Variants in EML6 observed in about 807,000 individuals in gnomAD.
EML6 encodes the protein EMAP like 6, also known as echinoderm microtubule-associated protein-like 6.
Under a neutral mutation model 240.1 loss-of-function variants are expected in EML6, and 154 were observed. The ratio of observed to expected loss-of-function variants is 0.64; its 90% CI spans 0.56 to 0.73. The LOEUF is 0.73. Ranked by LOEUF, EML6 falls within the 30% of genes least tolerant of loss-of-function variation. The pLI is 0.00. For missense variants in EML6, 2,964 were observed against 2,474.6 expected (o/e 1.20, Z -4.20); for synonymous variants, 1,148 against 899.0 (o/e 1.28, Z -4.95).
At chr2:54,786,943 CTT>C (rs1669126819) in intron 2 of EML6, among the ~76,000 whole-genome samples, 1 of 152,192 alleles carries the variant, frequency 6.6e-6, no homozygotes, top group Non-Finnish European at 1.5e-5. Flanking sequence ...GGGCTTGACT[CTT>C]TGTTTGACTC....
chr2:54,869,504 ATCCT>A, intron 15 of EML6, 137 bp downstream of exon 15: 1 of 714,052 alleles, frequency 1.4e-6, no homozygotes, highest in Non-Finnish European at 2.3e-6. Context: ...TGATCATTGG[ATCCT>A]TCCAAGATCA....
intron 34 of EML6, 147 bp from the exon 35 acceptor site, chr2:54,960,073 C>CT (rs1676424501): frequency 3.3e-6 from 2 of 612,548 alleles, no homozygotes; most frequent in Non-Finnish European, 5.8e-6. Flanking sequence ...GAGAGGCTGC[C>CT]TGGAGGGTCT....
chr2:54,812,433 G>C (rs62136907), intron 2 of EML6, among the ~76,000 whole-genome samples: 7,786 of 152,142 alleles, frequency 0.051, 254 homozygotes, highest in Middle Eastern at 0.11. Context: ...CAATGAGCTA[G>C]TTTGCTATAT....
intron 2 of EML6, among the ~76,000 whole-genome samples, chr2:54,732,961 G>C (rs1381013426): frequency 6.6e-6 from 1 of 152,214 alleles, no homozygotes; most frequent in East Asian, 1.9e-4. Flanking sequence ...GAGGTGAGTG[G>C]TATGGAAAGC....
intron 2 of EML6, among the ~76,000 whole-genome samples, chr2:54,787,370 C>A (rs893068560): frequency 6.6e-5 from 10 of 152,016 alleles, no homozygotes; most frequent in Non-Finnish European, 1.3e-4. Flanking sequence ...TAAAAGTAAA[C>A]CAGAGGAAGA....
At chr2:54,851,721 C>G (rs1328624545) in intron 10 of EML6, among the ~76,000 whole-genome samples, 1 of 152,106 alleles carries the variant, frequency 6.6e-6, no homozygotes, top group Non-Finnish European at 1.5e-5. Flanking sequence ...CTGATCTTTG[C>G]CCATTTCATT....
At chr2:54,857,267 C>T (rs903144055) in intron 11 of EML6, among the ~76,000 whole-genome samples, 2 of 152,082 alleles carry the variant, frequency 1.3e-5, no homozygotes, top group Non-Finnish European at 2.9e-5. Flanking sequence ...GTGCACTTGG[C>T]AGTCACGTTG....
chr2:54,958,124 C>T, intron 33 of EML6, 126 bp downstream of exon 33: 1 of 768,226 alleles, frequency 1.3e-6, no homozygotes, highest in Non-Finnish European at 2.1e-6. Context: ...CACATTCGCT[C>T]CTGTACTGGC....
intron 11 of EML6, among the ~76,000 whole-genome samples, chr2:54,857,120 T>C (rs1423665246): frequency 6.6e-6 from 1 of 152,154 alleles, no homozygotes; most frequent in East Asian, 1.9e-4. Context: ...AAGATATTTG[T>C]CTCTGGGAGT....
rs1469298858 is a variant in EML6, at chr2:54,841,137, G to A, written c.848-2910G>A. ...GCAACAGGATCATGGGCGCAAGGCC[G>A]TGTGGTTCTCTGCAGCTGAGCTGCA... On this transcript the variant is annotated intron_variant, in intron 7 of 41. Coordinates refer to ENST00000356458, the MANE Select transcript of EML6 (RefSeq NM_001039753.4). 4.6e-5 allele frequency among the ~76,000 whole-genome samples: 7 copies of A among 152,266 alleles called. No homozygotes were observed. In the East Asian group the frequency reaches 5.8e-4, roughly 13 times the overall value.
intron 2 of EML6, among the ~76,000 whole-genome samples, chr2:54,739,593 G>A (rs528256588): frequency 2.6e-5 from 4 of 152,352 alleles, no homozygotes; most frequent in African/African-American, 9.6e-5. Context: ...GCAGCACACA[G>A]CACACAGCAC....
At chr2:54,907,877 ATAGAT>A (rs1323010802) in intron 24 of EML6, among the ~76,000 whole-genome samples, 1 of 150,592 alleles carries the variant, frequency 6.6e-6, no homozygotes, top group Non-Finnish European at 1.5e-5. Flanking sequence ...GGTGAGACAG[ATAGAT>A]TAGATAGATT....
chr2:54,797,182 A>AAAAAAC (rs1669856097), intron 2 of EML6, among the ~76,000 whole-genome samples: 3 of 148,140 alleles, frequency 2.0e-5, no homozygotes, highest in Admixed American at 6.8e-5. Context: ...AAAAAAAAAA[A>AAAAAAC]AAAAAAACTG....
chr2:54,842,570 T>G (rs1669520048), intron 7 of EML6, among the ~76,000 whole-genome samples: 1 of 152,228 alleles, frequency 6.6e-6, no homozygotes. Context: ...TCTGATACTT[T>G]CTATCCCAGA....
chr2:54,847,107 T>C (rs894181946), intron 8 of EML6, among the ~76,000 whole-genome samples: 3 of 148,790 alleles, frequency 2.0e-5, no homozygotes, highest in Non-Finnish European at 3.0e-5. Context: ...TGTGTCTCAT[T>C]ATATTGCCCA....
At chr2:54,847,251 A>G (rs757589887) in intron 8 of EML6, among the ~76,000 whole-genome samples, 1 of 152,088 alleles carries the variant, frequency 6.6e-6, no homozygotes, top group Non-Finnish European at 1.5e-5. Context: ...ATCTTTGGAA[A>G]TGTTACCTCA....
At chr2:54,810,183 A>G (rs1375811456) in intron 2 of EML6, among the ~76,000 whole-genome samples, 1 of 152,242 alleles carries the variant, frequency 6.6e-6, no homozygotes, top group Non-Finnish European at 1.5e-5. Context: ...ATGATTTAAC[A>G]AACAGTGTGA....
At chr2:54,886,452 G>A (rs1672148776) in intron 17 of EML6, among the ~76,000 whole-genome samples, 1 of 152,234 alleles carries the variant, frequency 6.6e-6, no homozygotes, top group East Asian at 1.9e-4. Flanking sequence ...TTACAGGTGT[G>A]CGCCACCGCG....
intron 28 of EML6, 124 bp from the exon 29 acceptor site, chr2:54,948,758 G>C (rs956642128): frequency 1.6e-5 from 11 of 704,232 alleles, no homozygotes; most frequent in East Asian, 2.7e-5. Context: ...ACAGATCCAA[G>C]TGGAGGGGCC....
Sources: allele counts gnomAD v4.1 joint callset (sites outside exome capture counted in the v4.1 genomes callset), GRCh38; gene constraint gnomAD v4.1.1; transcripts MANE v1.5; gene names NCBI Gene and HGNC (gene_info 2026-07-23, HGNC 2026-07-21).